The following UNG variants were observed in gnomAD, a reference collection of about 807,000 sequenced individuals.
UNG encodes uracil-DNA glycosylase.
In UNG, 34 loss-of-function variants were observed where a neutral mutation model predicts 36.5. The ratio of observed to expected loss-of-function variants is 0.93; its 90% CI spans 0.71 to 1.24. The LOEUF is 1.24. Ranked by LOEUF, UNG falls within the 50% of genes most tolerant of loss-of-function variation. The pLI, the probability that UNG is intolerant of heterozygous loss-of-function variation, is 0.00. For synonymous variants in UNG, 172 were observed against 157.8 expected (o/e 1.09, Z -0.67); for missense variants, 391 against 397.6 (o/e 0.98, Z 0.14).
At chr12:109,107,019 A>G (rs1443041345) in intron 6 of UNG, among the ~76,000 whole-genome samples, 2 of 148,460 alleles carry the variant, frequency 1.3e-5, no homozygotes, top group African/African-American at 5.0e-5. Flanking sequence ...TATTTAGTAC[A>G]GTAACATGCT....
intron 6 of UNG, among the ~76,000 whole-genome samples, chr12:109,109,037 G>C (rs1372819330): frequency 2.0e-5 from 3 of 152,176 alleles, no homozygotes; most frequent in Non-Finnish European, 2.9e-5. Flanking sequence ...GCTAATGTAG[G>C]TGTTCTGAGC....
intron 3 of UNG, 189 bp downstream of exon 3, chr12:109,099,473 G>T: frequency 1.7e-6 from 1 of 600,130 alleles, no homozygotes; most frequent in Non-Finnish European, 2.9e-6. Flanking sequence ...GTATTTATGT[G>T]GCAAAAAGGA....
intron 4 of UNG, 27 bp from the exon 5 acceptor site, chr12:109,102,812 T>TC: frequency 6.3e-7 from 1 of 1,575,498 alleles, no homozygotes; most frequent in Non-Finnish European, 8.7e-7. Context: ...GATTCTGTTT[T>TC]TTGTTTTTCT....
intron 6 of UNG, among the ~76,000 whole-genome samples, chr12:109,104,221 T>A (rs896354884): frequency 2.0e-5 from 3 of 151,486 alleles, no homozygotes; most frequent in Non-Finnish European, 2.9e-5. Context: ...GATTTTTTTT[T>A]ATTTTTTAGT....
intron 6 of UNG, among the ~76,000 whole-genome samples, chr12:109,109,567 G>A (rs1474129546): frequency 1.3e-5 from 2 of 151,566 alleles, no homozygotes; most frequent in Non-Finnish European, 1.5e-5. Flanking sequence ...AGCGGATCAC[G>A]AGGTCAAGAG....
At chr12:109,103,788 C>G (rs962683175) in intron 6 of UNG, among the ~76,000 whole-genome samples, 177 bp downstream of exon 6, 1 of 152,066 alleles carries the variant, frequency 6.6e-6, no homozygotes, top group African/African-American at 2.4e-5. Context: ...AGAATTTGGA[C>G]AAATTATAGG....
chr12:109,104,062 G>GTTTTTTTTTTTTTTT (rs1555265048), intron 6 of UNG, among the ~76,000 whole-genome samples: 7 of 150,828 alleles, frequency 4.6e-5, no homozygotes, highest in African/African-American at 1.5e-4. Flanking sequence ...TGGGTTTTTT[G>GTTTTTTTTTTTTTTT]TTTTTTGATG....
At position 109,101,983 on chromosome 12, in the gene UNG, G is replaced by C. The variant is rs765245897; in HGVS notation, c.517G>C (p.Val173Leu). The C allele has an allele frequency of 6.2e-7, 1 of 1,614,018 alleles. No individual in the cohort carries two copies. The highest frequency in any genetic ancestry group is 8.5e-7 in the Non-Finnish European group (1 of 1,179,986). ...HGLCFSVQRPVPPPPSLENIY... is the reference protein window; with the variant it reads ...HGLCFSVQRPLPPPPSLENIY... Reference sequence around the variant, plus strand: ...GCTCTGCTTTAGTGTTCAAAGGCCTGTTCCGCCTCCGCCCAGGTACAGTTG... The same window carrying C: ...GCTCTGCTTTAGTGTTCAAAGGCCTCTTCCGCCTCCGCCCAGGTACAGTTG... The change falls in exon 4 of 7, where the codon GTT (valine) becomes CTT (leucine). Residue 173 changes from valine (V) to leucine (L), a missense_variant. By Grantham distance (32) the Val-to-Leu change is conservative (BLOSUM62 1). Coordinates refer to ENST00000242576, the MANE Select transcript of UNG (RefSeq NM_080911.3).
intron 4 of UNG, 104 bp from the exon 5 acceptor site, chr12:109,102,735 C>A: frequency 1.1e-6 from 1 of 905,148 alleles, no homozygotes; most frequent in Non-Finnish European, 1.8e-6. Context: ...CTTCCAAGGG[C>A]TGGCTGTAAC....
At chr12:109,108,643 A>G (rs1401300734) in intron 6 of UNG, among the ~76,000 whole-genome samples, 1 of 151,902 alleles carries the variant, frequency 6.6e-6, no homozygotes, top group Non-Finnish European at 1.5e-5. Flanking sequence ...AAAAATAAAA[A>G]ATTAAAAAAA....
In UNG at chr12:109,103,460, C is replaced by T; in HGVS notation, c.650C>T (p.Thr217Met). 6.2e-7 allele frequency: 1 copy of T among 1,614,148 alleles called. No homozygotes were observed. Among genetic ancestry groups the T allele is most frequent in the Non-Finnish European group, 8.5e-7 (1 of 1,180,022 alleles). ...GTTCTCCTTCTCAACGCTGTCCTCA[C>T]GGTTCGTGCCCATCAAGCCAACTCT... Reference protein sequence around the residue: ...QGVLLLNAVLTVRAHQANSHK... With the variant: ...QGVLLLNAVLMVRAHQANSHK... The change falls in exon 6 of 7, where the codon ACG becomes ATG. Residue 217 changes from threonine to methionine, a missense_variant. Thr to Met is a moderately conservative substitution (Grantham distance 81, BLOSUM62 -1). Transcript: ENST00000242576.
chr12:109,106,962 A>G (rs1168142074), intron 6 of UNG, among the ~76,000 whole-genome samples: 2 of 45,796 alleles, frequency 4.4e-5, no homozygotes, highest in African/African-American at 8.3e-5. Context: ...CATCTTTTCT[A>G]TGTTTAGATA....
chr12:109,103,090 C>G (rs749772754), intron 5 of UNG, among the ~76,000 whole-genome samples, 163 bp downstream of exon 5: 2 of 151,660 alleles, frequency 1.3e-5, no homozygotes, highest in African/African-American at 2.4e-5. Context: ...TAGCTGGGAC[C>G]ACAGGCATGA....
chr12:109,098,810 T>A (rs2042155139), intron 2 of UNG, among the ~76,000 whole-genome samples, 172 bp downstream of exon 2: 1 of 152,150 alleles, frequency 6.6e-6, no homozygotes, highest in Non-Finnish European at 1.5e-5. Flanking sequence ...ACTCTGCAGC[T>A]TTATATTGGT....
At position 109,110,542 on chromosome 12, in the gene UNG, G is replaced by C. The variant is rs1028482157; in HGVS notation, c.*573G>C. 6.1e-5 allele frequency: 10 copies of C among 163,404 alleles called. No homozygotes were observed. The highest frequency in any genetic ancestry group is 1.4e-4 in the Non-Finnish European group (10 of 73,884). 10.1% of individuals were successfully genotyped at this position (163,404 alleles called of 1,614,324 possible). ...AGGGCTCAATTTCCTGATTGTAGTA[G>C]AGGTTAAGATTGCTGTGAGCTTTAT... On this transcript the variant is annotated 3_prime_UTR_variant, in exon 7 of 7. Coordinates refer to ENST00000242576, the MANE Select transcript of UNG (RefSeq NM_080911.3).
At chr12:109,104,303 C>A (rs1376126390) in intron 6 of UNG, among the ~76,000 whole-genome samples, 1 of 152,092 alleles carries the variant, frequency 6.6e-6, no homozygotes, top group Admixed American at 6.5e-5. Flanking sequence ...TCCTCCTCAA[C>A]CTCCAAAGTG....
chr12:109,103,544 AC>A lies in UNG; in HGVS notation c.735del (p.Ser246ArgfsTer77), dbSNP rs1270455843. ...GCAGTTGTGTCCTGGCTAAATCAGAACTCGAATGGCCTTGTTTTCTTGCTCT... is the reference window on the plus strand; with the variant it reads ...GCAGTTGTGTCCTGGCTAAATCAGAATCGAATGGCCTTGTTTTCTTGCTCT... ...TDAVVSWLNQ[N>X]SNGLVFLLWG... On this transcript the variant is annotated frameshift_variant, in exon 6 of 7. Coordinates refer to ENST00000242576, the MANE Select transcript of UNG (RefSeq NM_080911.3). LOFTEE classifies it high-confidence loss of function. The A allele has an allele frequency of 1.2e-6, 2 of 1,614,024 alleles. No individual in the cohort carries two copies. Among genetic ancestry groups the A allele is most frequent in the African/African-American group, 2.7e-5 (2 of 74,904 alleles).
In UNG at chr12:109,103,547, C is replaced by A. The variant is rs767395614; in HGVS notation, c.737C>A (p.Ser246Ter). Reference sequence around the variant, plus strand: ...GTTGTGTCCTGGCTAAATCAGAACTCGAATGGCCTTGTTTTCTTGCTCTGG... The same window carrying A: ...GTTGTGTCCTGGCTAAATCAGAACTAGAATGGCCTTGTTTTCTTGCTCTGG... Reference protein sequence around the residue: ...DAVVSWLNQNSNGLVFLLWGS... With the variant: ...DAVVSWLNQN Residue 246 changes from serine to a stop codon, truncating the protein, a stop_gained, in exon 6 of 7, where the codon TCG (serine) becomes TAG (stop). Transcript: ENST00000242576. LOFTEE classifies it high-confidence loss of function. The A allele has an allele frequency of 6.2e-7, 1 of 1,613,992 alleles. No homozygotes were observed. The highest frequency in any genetic ancestry group is 1.3e-5 in the African/African-American group (1 of 74,900).
At chr12:109,107,193 T>C (rs147607598) in intron 6 of UNG, among the ~76,000 whole-genome samples, 1 of 151,912 alleles carries the variant, frequency 6.6e-6, no homozygotes, top group Non-Finnish European at 1.5e-5. Context: ...CATTAGGTGA[T>C]GTATGACTAT....
Sources: gnomAD v4.1 joint callset for allele counts (sites outside exome capture counted in the v4.1 genomes callset) on GRCh38, gnomAD v4.1.1 for gene constraint, MANE v1.5 for transcripts, NCBI Gene and HGNC (gene_info 2026-07-23, HGNC 2026-07-21) for gene names.